PYHIN1: variants seen among roughly 807,000 people sequenced by gnomAD.
PYHIN1 encodes the protein pyrin and HIN domain family member 1.
Under a neutral mutation model 43.7 loss-of-function variants are expected in PYHIN1, and 32 were observed. The observed-to-expected ratio is 0.73, with a 90% confidence interval of 0.55 to 0.98. The LOEUF is 0.98. Ranked by LOEUF, PYHIN1 falls within the 50% of genes least tolerant of loss-of-function variation. PYHIN1 has a pLI of 0.00. For synonymous variants in PYHIN1, 205 were observed against 203.1 expected (o/e 1.01, Z -0.08); for missense variants, 588 against 589.5 (o/e 1.00, Z 0.03).
At chr1:158,980,786 C>T (rs1342121782), downstream of PYHIN1, among the ~76,000 whole-genome samples, 4 of 152,244 alleles carry the variant, frequency 2.6e-5, no homozygotes, top group South Asian at 8.3e-4. Flanking sequence ...GTCCCGTTCC[C>T]TCAGAAGTAT....
Position 158,964,495 on chromosome 1 carries a change from G to A in PYHIN1, c.1360-9152G>A, listed in dbSNP as rs569463190. Among the ~76,000 whole-genome samples, 353 of 152,170 alleles carry A rather than the reference G, an allele frequency of 2.3e-3. 1 individual carries two copies. The highest frequency in any genetic ancestry group is 7.8e-3 in the African/African-American group (326 of 41,532). ...CTAGAGAGAAGGGGCAGGTCACTGG[G>A]AAGGTCACCTACAAAAGGAACCCTA... is the stretch of plus-strand genomic sequence containing the variant. On this transcript the variant is annotated intron_variant, in intron 7 of 8. Coordinates refer to ENST00000368140, the MANE Select transcript of PYHIN1 (RefSeq NM_152501.5).
chr1:158,962,823 C>A (rs1030870871), intron 7 of PYHIN1, among the ~76,000 whole-genome samples: 10 of 152,126 alleles, frequency 6.6e-5, no homozygotes, highest in African/African-American at 2.4e-4. Flanking sequence ...GCTAAGCATA[C>A]GGTCTGCTAG....
intron 7 of PYHIN1, among the ~76,000 whole-genome samples, chr1:158,956,793 A>G (rs1649962373): frequency 6.8e-6 from 1 of 146,194 alleles, no homozygotes; most frequent in African/African-American, 2.5e-5. Context: ...GTATTCAATT[A>G]GGAAAAGAGG....
chr1:158,957,104 A>G (rs1158326793), intron 7 of PYHIN1, among the ~76,000 whole-genome samples: 1 of 145,560 alleles, frequency 6.9e-6, no homozygotes, highest in Non-Finnish European at 1.5e-5. Context: ...GAAATAAAAG[A>G]GGATACAAAC....
At chr1:158,938,209 G>A (rs972994516) in intron 2 of PYHIN1, among the ~76,000 whole-genome samples, 188 bp from the exon 3 acceptor site, 4 of 152,166 alleles carry the variant, frequency 2.6e-5, no homozygotes, top group African/African-American at 9.7e-5. Flanking sequence ...TGAGGAGTGT[G>A]AGTCAGTGTT....
chr1:158,962,749 C>A (rs1031039863), intron 7 of PYHIN1, among the ~76,000 whole-genome samples: 1 of 152,160 alleles, frequency 6.6e-6, no homozygotes, highest in Non-Finnish European at 1.5e-5. Flanking sequence ...TATGAGCTCC[C>A]AGCCCTACTC....
chr1:158,946,152 C>A (rs1051884650), intron 7 of PYHIN1, among the ~76,000 whole-genome samples: 6 of 152,120 alleles, frequency 3.9e-5, no homozygotes, highest in African/African-American at 1.4e-4. Flanking sequence ...CAGGGCTTCT[C>A]AAAAATAATG....
intron 4 of PYHIN1, among the ~76,000 whole-genome samples, chr1:158,940,892 A>G (rs1648873245): frequency 6.6e-6 from 1 of 152,224 alleles, no homozygotes; most frequent in Non-Finnish European, 1.5e-5. Context: ...ATCATCATAC[A>G]ATGTAATGTC....
At chr1:158,956,556 C>A (rs978129910) in intron 7 of PYHIN1, among the ~76,000 whole-genome samples, 4 of 151,686 alleles carry the variant, frequency 2.6e-5, no homozygotes, top group Non-Finnish European at 5.9e-5. Context: ...TTCAACAACC[C>A]TTCATGCTAA....
chr1:158,936,896 CTT>C lies in PYHIN1; in HGVS notation c.-14_-13del, dbSNP rs777523462. 2.6e-6 allele frequency: 4 copies of C among 1,555,938 alleles called. No homozygotes were observed. Among genetic ancestry groups the C allele is most frequent in the East Asian group, 2.2e-5 (1 of 44,446 alleles). On this transcript the variant is annotated 5_prime_UTR_variant, in exon 2 of 9. Transcript: ENST00000368140. ...ATACCATTTTTCTCTTGCAGGCTCA[CTT>C]ATATCTTTAGAGATGGCAAATAACT...
intron 7 of PYHIN1, among the ~76,000 whole-genome samples, chr1:158,963,226 G>A (rs541721344): frequency 3.9e-5 from 6 of 152,174 alleles, no homozygotes; most frequent in Non-Finnish European, 7.4e-5. Flanking sequence ...AGGAACTGCA[G>A]TTGCCCTAAG....
chr1:158,979,332 C>A (rs1454850426), downstream of PYHIN1, among the ~76,000 whole-genome samples: 1 of 152,138 alleles, frequency 6.6e-6, no homozygotes, highest in Non-Finnish European at 1.5e-5. Flanking sequence ...CAGCTAACCA[C>A]CATTTTATTT....
the PYHIN1 span, among the ~76,000 whole-genome samples, chr1:158,987,070 T>A: frequency 2.0e-5 from 3 of 152,224 alleles, no homozygotes; most frequent in Admixed American, 1.3e-4. Flanking sequence ...TACCAACACC[T>A]GTTATCTTTT....
At chr1:158,972,911 C>G (rs977622896) in intron 7 of PYHIN1, among the ~76,000 whole-genome samples, 3 of 152,054 alleles carry the variant, frequency 2.0e-5, no homozygotes, top group African/African-American at 7.2e-5. Flanking sequence ...ATTATATATG[C>G]TACCTGCTCA....
intron 7 of PYHIN1, among the ~76,000 whole-genome samples, chr1:158,963,655 C>T (rs1330327084): frequency 6.6e-6 from 1 of 152,192 alleles, no homozygotes; most frequent in Non-Finnish European, 1.5e-5. Flanking sequence ...CCCAAAACTT[C>T]AACACCAAAA....
chr1:158,953,468 G>C (rs1452940495), intron 7 of PYHIN1, among the ~76,000 whole-genome samples: 1 of 150,372 alleles, frequency 6.7e-6, no homozygotes, highest in African/African-American at 2.5e-5. Context: ...GCCTAACTGG[G>C]AGGCACCCCC....
In PYHIN1 at chr1:158,944,867, A is replaced by G. The variant is rs781109018; in HGVS notation, c.1192-8A>G. The G allele has an allele frequency of 6.5e-7, 1 of 1,533,018 alleles. No homozygotes were observed. Among genetic ancestry groups the G allele is most frequent in the East Asian group, 2.3e-5 (1 of 43,496 alleles). 95.0% of individuals were successfully genotyped at this position (1,533,018 alleles called of 1,614,324 possible). On this transcript the variant is annotated splice_region_variant and splice_polypyrimidine_tract_variant and intron_variant, in intron 6 of 8. Transcript: ENST00000368140. ...AAAAACATTAAACAAAAAAATGAATACTTTCAGATACAGAAAAATACAAAC... is the reference window on the plus strand; with the variant it reads ...AAAAACATTAAACAAAAAAATGAATGCTTTCAGATACAGAAAAATACAAAC...
intron 7 of PYHIN1, among the ~76,000 whole-genome samples, chr1:158,945,555 C>T (rs996248138): frequency 6.6e-6 from 1 of 152,282 alleles, no homozygotes; most frequent in Non-Finnish European, 1.5e-5. Context: ...TCTGGCAAGT[C>T]CTCAATGATA....
At chr1:158,962,703 C>T (rs947854846) in intron 7 of PYHIN1, among the ~76,000 whole-genome samples, 1 of 152,216 alleles carries the variant, frequency 6.6e-6, no homozygotes, top group African/African-American at 2.4e-5. Context: ...CAGCACACAG[C>T]AGCGAGCATT....
Sources: gnomAD v4.1 joint callset for allele counts (sites outside exome capture counted in the v4.1 genomes callset) on GRCh38, gnomAD v4.1.1 for gene constraint, MANE v1.5 for transcripts, NCBI Gene and HGNC (gene_info 2026-07-23, HGNC 2026-07-21) for gene names.